Variants in MAP7D3 observed in about 807,000 individuals in gnomAD.
MAP7D3 encodes MAP7 domain-containing protein 3.
Under a neutral mutation model 62.2 loss-of-function variants are expected in MAP7D3, and 45 were observed. That is an observed-to-expected ratio of 0.72 (90% CI 0.57 to 0.93). MAP7D3 has a LOEUF of 0.93. MAP7D3 is among the 40% of genes least tolerant of loss of function. MAP7D3 has a pLI of 0.00. For missense variants in MAP7D3, 711 were observed against 683.1 expected, an observed-to-expected ratio of 1.04 and a Z score of -0.45; for synonymous variants, 288 against 248.8, an observed-to-expected ratio of 1.16 and a Z score of -1.48.
intron 12 of MAP7D3, among the ~76,000 whole-genome samples, chrX:136,226,811 G>C (rs1274948363): frequency 8.9e-6 from 1 of 112,056 alleles, no homozygotes; most frequent in Non-Finnish European, 1.9e-5. Flanking sequence ...CAGTGGTACT[G>C]GGTAATAGAG....
intron 8 of MAP7D3, 110 bp from the exon 9 acceptor site, chrX:136,231,076 A>T: frequency 3.6e-6 from 2 of 561,210 alleles, no homozygotes; most frequent in Admixed American, 8.1e-5. Flanking sequence ...ACACAATTAG[A>T]ATTCTTTAAA....
chrX:136,230,459 T>C lies in MAP7D3; in HGVS notation c.1676A>G (p.Lys559Arg), dbSNP rs77878574. 2 of 1,196,302 alleles carry C rather than the reference T, an allele frequency of 1.7e-6. No individual in the cohort carries two copies. Among genetic ancestry groups the C allele is most frequent in the East Asian group, 3.0e-5 (1 of 33,689 alleles). Residue 559 changes from lysine (K) to arginine (R), a missense_variant, in exon 10 of 19, where the codon AAA becomes AGA. Lys to Arg is a conservative substitution (Grantham distance 26). Transcript: ENST00000316077. ...TTTAGAAACTGTTTCTTTTTTCTTT[T>C]TGACAGTACTTGATGCACTTTGCAC... is the stretch of plus-strand genomic sequence containing the variant. ...LSVQSASSTV[K>R]KKKETVSKTT...
chrX:136,231,003 A>C, intron 8 of MAP7D3, 37 bp from the exon 9 acceptor site: 1 of 1,074,540 alleles, frequency 9.3e-7, no homozygotes, highest in Non-Finnish European at 1.2e-6. Context: ...ATTACTAACA[A>C]ACAATTCTTT....
chrX:136,237,191 T>C (rs1275850265), intron 6 of MAP7D3, among the ~76,000 whole-genome samples: 1 of 112,155 alleles, frequency 8.9e-6, no homozygotes, highest in Non-Finnish European at 1.9e-5. Flanking sequence ...TAAACTAAAG[T>C]ACATGTTGAC....
chrX:136,226,361 A>T (rs1238274265), intron 12 of MAP7D3, among the ~76,000 whole-genome samples: 1 of 111,642 alleles, frequency 9.0e-6, no homozygotes, highest in African/African-American at 3.3e-5. Flanking sequence ...AGGATTCTTG[A>T]AGGCACCCTC....
upstream of MAP7D3, among the ~76,000 whole-genome samples, chrX:136,255,061 A>G (rs1478623441): frequency 9.0e-6 from 1 of 111,714 alleles, no homozygotes; most frequent in Non-Finnish European, 1.9e-5. Context: ...ACTAAAAAAT[A>G]CAAAAATTAG....
At chrX:136,256,215 C>T (rs1243326547), upstream of MAP7D3, 6 of 1,145,433 alleles carry the variant, frequency 5.2e-6, no homozygotes, top group Non-Finnish European at 6.9e-6. Context: ...GTGATGTTTC[C>T]TTCTGGACTC....
rs774025753 is a variant in MAP7D3, at chrX:136,224,853, T to C, written c.2167A>G (p.Arg723Gly). ...TTTGAGGCATTCACATCTGTCTTTC[T>C]TGTCCGCTTCATAATTTCTTCTATT... ...KRIEEIMKRTRKTDVNASKVT... is the reference protein window; with the variant it reads ...KRIEEIMKRTGKTDVNASKVT... Residue 723 changes from arginine to glycine, a missense_variant, in exon 14 of 19, where the codon AGA (arginine) becomes GGA (glycine). Arg to Gly is a moderately radical substitution (Grantham distance 125). Coordinates refer to ENST00000316077, the MANE Select transcript of MAP7D3 (RefSeq NM_024597.4). 41 of 1,179,445 alleles carry C rather than the reference T, an allele frequency of 3.5e-5. No homozygotes were observed. Among genetic ancestry groups the C allele is most frequent in the Non-Finnish European group, 4.3e-5 (37 of 867,217 alleles).
chrX:136,244,934 GATTT>G, intron 3 of MAP7D3, 139 bp from the exon 4 acceptor site: 2 of 458,323 alleles, frequency 4.4e-6, no homozygotes, highest in Non-Finnish European at 7.3e-6. Context: ...AGTAACTAAA[GATTT>G]ATTATAAAAG....
rs1353309317 is a variant in MAP7D3, at chrX:136,217,343, T to A, written c.*1183A>T. ...GAACTGGAGAGTACAGGCAGAAAAG[T>A]ACTTTAAACATTTAGAGGAATTAAA... On this transcript the variant is annotated 3_prime_UTR_variant, in exon 19 of 19. Coordinates refer to ENST00000316077, the MANE Select transcript of MAP7D3 (RefSeq NM_024597.4). 1 of 112,068 alleles carries A rather than the reference T, an allele frequency of 8.9e-6. No individual in the cohort carries two copies. The highest frequency in any genetic ancestry group is 9.4e-5 in the Admixed American group (1 of 10,583). The allele number at this position is 112,068 out of a possible 1,213,427, so 9.2% of individuals were successfully genotyped here.
rs1035892399 is a variant in MAP7D3 at position 136,231,955 on chromosome X, G to A, written c.1002C>T (p.Ser334=). ...CGCTCACCACAGGGAATGAGTCCGT[G>A]CTCACCTCAGGGGCCATGCCCACAC... ...KAGVGMAPEV[S]TDSFPVVSVD... Residue 334 remains serine (S), a synonymous_variant, in exon 8 of 19, where the codon AGC becomes AGT. Transcript: ENST00000316077. The A allele has an allele frequency of 2.5e-6, 3 of 1,211,098 alleles. No individual in the cohort carries two copies. Among genetic ancestry groups the A allele is most frequent in the East Asian group, 3.0e-5 (1 of 33,756 alleles).
At chrX:136,234,157 T>C (rs1480722038) in intron 7 of MAP7D3, among the ~76,000 whole-genome samples, 1 of 106,860 alleles carries the variant, frequency 9.4e-6, no homozygotes, top group Non-Finnish European at 1.9e-5. Flanking sequence ...GAGTGGGATA[T>C]ATACTGGAAA....
chrX:136,223,663 T>C (rs148115766), intron 14 of MAP7D3, among the ~76,000 whole-genome samples: 5 of 110,718 alleles, frequency 4.5e-5, no homozygotes, highest in African/African-American at 1.6e-4. Flanking sequence ...CCAAAGCAAA[T>C]CTCCAACAGG....
chrX:136,219,574 G>A lies in MAP7D3; in HGVS notation c.2565+19C>T. The A allele has an allele frequency of 3.4e-6, 4 of 1,185,394 alleles. 1 individual carries two copies. The highest frequency in any genetic ancestry group is 4.6e-6 in the Non-Finnish European group (4 of 871,423). On this transcript the variant is annotated intron_variant, in intron 17 of 18. Transcript: ENST00000316077. ...GTGATCTTGTCACAGATACGCTGCTGCTCATAATTCATACTAACAGAGGAT... is the reference window on the plus strand; with the variant it reads ...GTGATCTTGTCACAGATACGCTGCTACTCATAATTCATACTAACAGAGGAT...
chrX:136,244,052 C>G (rs1475534295), intron 4 of MAP7D3, among the ~76,000 whole-genome samples: 1 of 111,615 alleles, frequency 9.0e-6, no homozygotes, highest in Non-Finnish European at 1.9e-5. Context: ...AATGCTGACT[C>G]TGAACCACAC....
At chrX:136,227,465 T>C (rs750882275) in intron 11 of MAP7D3, 34 bp from the exon 12 acceptor site, 3 of 1,068,652 alleles carry the variant, frequency 2.8e-6, no homozygotes, top group South Asian at 2.0e-5. Context: ...AGTATTTATC[T>C]TGATTGCTAT....
In MAP7D3 at chrX:136,251,398, A is replaced by T. The variant is rs1455112548; in HGVS notation, c.-40T>A. 2.1e-6 allele frequency: 2 copies of T among 971,634 alleles called. No homozygotes were observed. The highest frequency in any genetic ancestry group is 2.6e-6 in the Non-Finnish European group (2 of 768,532). 80.1% of individuals were successfully genotyped at this position (971,634 alleles called of 1,213,427 possible). A position where few individuals can be genotyped will look rare whatever the true frequency, so the allele number is the denominator to read the frequency against. ...GAGGCGGTGGTGGCTCTCCGCATAC[A>T]TTGCGCAGGCGTCGGCGCGGCCTCC... On this transcript the variant is annotated 5_prime_UTR_variant, in exon 1 of 19. It removes an upstream start codon present in the reference 5' UTR. Coordinates refer to ENST00000316077, the MANE Select transcript of MAP7D3 (RefSeq NM_024597.4).
intron 6 of MAP7D3, among the ~76,000 whole-genome samples, chrX:136,236,580 CA>C (rs2074332616): frequency 9.0e-6 from 1 of 111,421 alleles, no homozygotes; most frequent in South Asian, 3.8e-4. Flanking sequence ...TATCTGACAT[CA>C]AAGTTCCCAA....
rs1204756838 is a variant in MAP7D3 at position 136,224,814 on chromosome X, G to A, written c.2193+13C>T. 3 of 1,142,775 alleles carry A rather than the reference G, an allele frequency of 2.6e-6. No homozygotes were observed. The highest frequency in any genetic ancestry group is 4.4e-5 in the Admixed American group (2 of 45,553). 94.2% of individuals were successfully genotyped at this position (1,142,775 alleles called of 1,213,427 possible). A position where few individuals can be genotyped will look rare whatever the true frequency, so the allele number is the denominator to read the frequency against. On this transcript the variant is annotated intron_variant, in intron 14 of 18. Coordinates refer to ENST00000316077, the MANE Select transcript of MAP7D3 (RefSeq NM_024597.4). ...GCATTCTTATACACTGCTGGTAGGA[G>A]TATGGAGACTACCTTTGAGGCATTC... is the stretch of plus-strand genomic sequence containing the variant.
Sources: allele counts gnomAD v4.1 joint callset (sites outside exome capture counted in the v4.1 genomes callset), GRCh38; gene constraint gnomAD v4.1.1; transcripts MANE v1.5; gene names NCBI Gene and HGNC (gene_info 2026-07-23, HGNC 2026-07-21).